Variants in VIL1 observed in about 807,000 individuals in gnomAD.
The protein encoded by VIL1 is villin-1.
VIL1 carries 86 observed loss-of-function variants against 104.0 expected under a neutral mutation model. The observed-to-expected ratio is 0.83, with a 90% confidence interval of 0.69 to 0.99. VIL1 has a LOEUF of 0.99. VIL1 is among the 50% of genes least tolerant of loss of function. The pLI, the probability that VIL1 is intolerant of heterozygous loss-of-function variation, is 0.00. For synonymous variants in VIL1, 394 were observed against 412.6 expected, an observed-to-expected ratio of 0.95 and a Z score of 0.55; for missense variants, 944 against 1,054.1, an observed-to-expected ratio of 0.90 and a Z score of 1.45.
rs1256244894 is a variant in VIL1, at chr2:218,450,441, A to AG, written c.*1105_*1106insG. On this transcript the variant is annotated 3_prime_UTR_variant, in exon 20 of 20. Transcript: ENST00000248444. ...GTCACTCTGAACATAAAGAAAAAAA[A>AG]TCATCTCACAAATAATGTGGCCACA... 5 of 152,686 alleles carry AG rather than the reference A, an allele frequency of 3.3e-5. No individual in the cohort carries two copies. In the East Asian group the frequency reaches 9.6e-4, roughly 29 times the overall value. The allele number at this position is 152,686 out of a possible 1,614,324, so 9.5% of individuals were successfully genotyped here.
chr2:218,435,387 C>T lies in VIL1; in HGVS notation c.1779C>T (p.Asn593=). 3.7e-6 allele frequency: 6 copies of T among 1,614,162 alleles called. No homozygotes were observed. The highest frequency in any genetic ancestry group is 5.1e-6 in the Non-Finnish European group (6 of 1,180,012). Residue 593 remains asparagine (N), a synonymous_variant, in exon 15 of 20, where the codon AAC becomes AAT. Coordinates refer to ENST00000248444, the MANE Select transcript of VIL1 (RefSeq NM_007127.3). The part of the protein sequence containing the change: ...QVVVEGQEPA[N]FWMALGGKAP... ...TGGTGGAAGGGCAGGAGCCAGCCAA[C>T]TTCTGGATGGCCCTGGGTGGGAAGG...
rs1689207641 is a variant in VIL1 at position 218,437,239 on chromosome 2, T to C, written c.2087T>C (p.Ile696Thr). 2.5e-6 allele frequency: 4 copies of C among 1,614,134 alleles called. No homozygotes were observed. The highest frequency in any genetic ancestry group is 1.3e-5 in the African/African-American group (1 of 75,042). The change falls in exon 17 of 20, where the codon ATT (isoleucine) becomes ACT (threonine). Residue 696 changes from isoleucine (I) to threonine (T), a missense_variant. Coordinates refer to ENST00000248444, the MANE Select transcript of VIL1 (RefSeq NM_007127.3). ...GGGCGTGACCCTGAGACCCCCATCA[T>C]TGTGGTGAAGCAGGGACACGAGCCC... ...PSGRDPETPI[I>T]VVKQGHEPPT... is the part of the protein sequence containing the mutation.
intron 12 of VIL1, chr2:218,432,565 A>T (rs1355949615): frequency 9.5e-6 from 7 of 739,788 alleles, no homozygotes; most frequent in East Asian, 8.2e-5. Context: ...GGTTGCAGGT[A>T]GGTCAGGGCT....
In VIL1 at chr2:218,443,836, G is replaced by A. The variant is rs372137938; in HGVS notation, c.2370+2974G>A. On this transcript the variant is annotated intron_variant, in intron 19 of 19. Coordinates refer to ENST00000248444, the MANE Select transcript of VIL1 (RefSeq NM_007127.3). ...CGCCTGGCTAATTTTTGTATTTTTAGTAGAGATACGGTTTCACCATATTGG... is the reference window on the plus strand; with the variant it reads ...CGCCTGGCTAATTTTTGTATTTTTAATAGAGATACGGTTTCACCATATTGG... Among the ~76,000 whole-genome samples the A allele has an allele frequency of 6.6e-5, 10 of 152,104 alleles. No individual in the cohort carries two copies. The East Asian group carries it at 1.6e-3, about 24-fold the overall frequency.
intron 8 of VIL1, 42 bp downstream of exon 8, chr2:218,429,717 C>T (rs1315850093): frequency 1.9e-6 from 3 of 1,611,656 alleles, no homozygotes; most frequent in East Asian, 2.2e-5. Context: ...GCAGCCTGGC[C>T]CCCTTTCCCT....
intron 4 of VIL1, among the ~76,000 whole-genome samples, chr2:218,427,551 C>G (rs1689022928): frequency 6.6e-6 from 1 of 152,102 alleles, no homozygotes; most frequent in African/African-American, 2.4e-5. Flanking sequence ...GTCTGGAACT[C>G]CTGACCTCAA....
chr2:218,450,562 T>C lies in VIL1; in HGVS notation c.*1226T>C, dbSNP rs757482622. On this transcript the variant is annotated 3_prime_UTR_variant, in exon 20 of 20. Coordinates refer to ENST00000248444, the MANE Select transcript of VIL1 (RefSeq NM_007127.3). ...AAGTTTAAAGAAACAACAATGACAA[T>C]AGGCCAGAGAAGTTAGGGAGGGAAA... 6.6e-5 allele frequency: 10 copies of C among 152,558 alleles called. No homozygotes were observed. Among genetic ancestry groups the C allele is most frequent in the Non-Finnish European group, 1.2e-4 (8 of 68,040 alleles). 9.5% of individuals were successfully genotyped at this position (152,558 alleles called of 1,614,324 possible). A position where few individuals can be genotyped will look rare whatever the true frequency, so the allele number is the denominator to read the frequency against.
Position 218,431,863 on chromosome 2 carries a change from T to A in VIL1, c.1109T>A (p.Val370Glu). The A allele has an allele frequency of 6.2e-7, 1 of 1,613,382 alleles. No individual in the cohort carries two copies. The highest frequency in any genetic ancestry group is 8.5e-7 in the Non-Finnish European group (1 of 1,179,774). ...ATGATTTCCCCCACTCTAGCCAAAG[T>A]GGAACAGGTGAAGTTCGATGCCACA... Reference protein sequence around the residue: ...KTHTVGSVAKVEQVKFDATSM... With the variant: ...KTHTVGSVAKEEQVKFDATSM... The change falls in exon 11 of 20, where the codon GTG becomes GAG. Residue 370 changes from valine to glutamate, a missense_variant. Val to Glu is a moderately radical substitution (Grantham distance 121, BLOSUM62 -2). Transcript: ENST00000248444.
chr2:218,422,140 A>G (rs1688906997), intron 1 of VIL1, among the ~76,000 whole-genome samples: 1 of 152,158 alleles, frequency 6.6e-6, no homozygotes, highest in African/African-American at 2.4e-5. Context: ...CTGTAATCCC[A>G]GCTACTTGGG....
At chr2:218,429,149 C>T (rs913508064) in intron 6 of VIL1, 136 bp from the exon 7 acceptor site, 31 of 1,007,480 alleles carry the variant, frequency 3.1e-5, no homozygotes, top group Non-Finnish European at 4.2e-5. Context: ...ACCCCTCCGA[C>T]GGGGAAAAGC....
At chr2:218,429,189 T>C in intron 6 of VIL1, 96 bp from the exon 7 acceptor site, 1 of 1,397,912 alleles carries the variant, frequency 7.2e-7, no homozygotes, top group Non-Finnish European at 9.8e-7. Flanking sequence ...CTGTGGCTGC[T>C]GTAGGTGGTC....
intron 4 of VIL1, among the ~76,000 whole-genome samples, chr2:218,426,429 A>AT (rs1441622226): frequency 6.8e-6 from 1 of 147,854 alleles, no homozygotes; most frequent in Non-Finnish European, 1.5e-5. Context: ...TAATTTTTGT[A>AT]TTTTTAGTAG....
intron 4 of VIL1, 68 bp from the exon 5 acceptor site, chr2:218,427,897 C>T (rs1267450398): frequency 5.4e-6 from 8 of 1,486,920 alleles, no homozygotes; most frequent in Non-Finnish European, 7.5e-6. Context: ...GCAGCCAGGA[C>T]CTGGGAGAAC....
chr2:218,429,212 G>T, intron 6 of VIL1, 73 bp from the exon 7 acceptor site: 1 of 1,525,476 alleles, frequency 6.6e-7, no homozygotes, highest in Non-Finnish European at 8.9e-7. Context: ...GGCTTGCCTG[G>T]CAGGGTGTAG....
chr2:218,446,760 CTTTTTTTT>C (rs71064450), intron 19 of VIL1, among the ~76,000 whole-genome samples: 137 of 125,534 alleles, frequency 1.1e-3, no homozygotes, highest in South Asian at 6.8e-3. Context: ...GTGACCTTGA[CTTTTTTTT>C]TTTTTTTTTT....
intron 19 of VIL1, among the ~76,000 whole-genome samples, chr2:218,448,803 G>A (rs554282729): frequency 1.3e-5 from 2 of 151,974 alleles, no homozygotes; most frequent in Non-Finnish European, 2.9e-5. Context: ...TCAGGAGTTC[G>A]AGACTAGCCT....
chr2:218,430,724 G>A lies in VIL1; in HGVS notation c.949-1G>A. 4.4e-6 allele frequency: 7 copies of A among 1,580,552 alleles called. No individual in the cohort carries two copies. The highest frequency in any genetic ancestry group is 6.0e-6 in the Non-Finnish European group (7 of 1,161,644). ...CTTCCAGCCACCCCTTTCTCTTCCA[G>A]AACTTCATCAAAGCCAAGCAGTACC... On this transcript the variant is annotated splice_acceptor_variant, in intron 9 of 19. Transcript: ENST00000248444. LOFTEE classifies it high-confidence loss of function.
rs544580092 is a variant in VIL1 at position 218,433,884 on chromosome 2, C to T, written c.1501-642C>T. On this transcript the variant is annotated intron_variant, in intron 13 of 19. Coordinates refer to ENST00000248444, the MANE Select transcript of VIL1 (RefSeq NM_007127.3). ...TTGCACTCCAGCCTGGGCAACAGAG[C>T]GAGACTCCGTCTCAAGGAAAAAAAA... Among the ~76,000 whole-genome samples, 119 of 140,098 alleles carry T rather than the reference C, an allele frequency of 8.5e-4. 2 individuals carry two copies. The South Asian group carries it at 0.014, about 17-fold the overall frequency. 91.9% of individuals were successfully genotyped at this position (140,098 alleles called of 152,430 possible).
chr2:218,450,011 G>C lies in VIL1; in HGVS notation c.*675G>C, dbSNP rs1689443808. ...AGAGCCTAGTGAAGGCCAATGCTAG[G>C]TTTACAAACTTACCCAGAAGCCTCT... On this transcript the variant is annotated 3_prime_UTR_variant, in exon 20 of 20. Coordinates refer to ENST00000248444, the MANE Select transcript of VIL1 (RefSeq NM_007127.3). The C allele has an allele frequency of 6.6e-6, 1 of 152,184 alleles. No individual in the cohort carries two copies. The allele number at this position is 152,184 out of a possible 1,614,324, so 9.4% of individuals were successfully genotyped here. A position where few individuals can be genotyped will look rare whatever the true frequency, so the allele number is the denominator to read the frequency against.
Sources: gnomAD v4.1 joint callset for allele counts (sites outside exome capture counted in the v4.1 genomes callset) on GRCh38, gnomAD v4.1.1 for gene constraint, MANE v1.5 for transcripts, NCBI Gene and HGNC (gene_info 2026-07-23, HGNC 2026-07-21) for gene names.